Variants in GRIP1 observed in about 807,000 individuals in gnomAD.
GRIP1 encodes glutamate receptor interacting protein 1.
A neutral mutation model predicts 129.9 loss-of-function variants in GRIP1; 45 were observed. The observed-to-expected ratio is 0.35, with a 90% CI of 0.27 to 0.44. The LOEUF (loss-of-function observed/expected upper bound fraction) is 0.44, where lower values mean the gene tolerates loss of function less well. Ranked by LOEUF, GRIP1 falls within the 20% of genes least tolerant of loss-of-function variation. The probability of loss-of-function intolerance (pLI) is 1.00; values close to 1 mark genes in which losing one functional copy is unlikely to be tolerated. For synonymous variants in GRIP1, 530 were observed against 520.8 expected, an observed-to-expected ratio of 1.02 and a Z score of -0.24; for missense variants, 1,196 against 1,396.8, an observed-to-expected ratio of 0.86 and a Z score of 2.29.
At chr12:66,876,099 A>G (rs756381543) in intron 1 of GRIP1, among the ~76,000 whole-genome samples, 1 of 152,090 alleles carries the variant, frequency 6.6e-6, no homozygotes, top group Non-Finnish European at 1.5e-5. Context: ...CAAGAAAAGT[A>G]TGAGCACTTA....
At chr12:66,497,133 A>C (rs146018772) in intron 7 of GRIP1, among the ~76,000 whole-genome samples, 8 of 152,238 alleles carry the variant, frequency 5.3e-5, no homozygotes, top group African/African-American at 1.9e-4. Flanking sequence ...TAGTGGCAAA[A>C]ATGCATACAT....
intron 8 of GRIP1, 86 bp downstream of exon 8, chr12:66,465,189 A>C (rs943897662): frequency 8.9e-7 from 1 of 1,125,366 alleles, no homozygotes; most frequent in Non-Finnish European, 1.3e-6. Flanking sequence ...CAGGTGATTC[A>C]CCCGCCTCGG....
chr12:66,903,171 A>G (rs2040870749), intron 1 of GRIP1, among the ~76,000 whole-genome samples: 1 of 152,220 alleles, frequency 6.6e-6, no homozygotes, highest in Non-Finnish European at 1.5e-5. Context: ...GTAAATCAAC[A>G]TGCAAAAAAG....
intron 7 of GRIP1, among the ~76,000 whole-genome samples, chr12:66,500,124 AT>A (rs1389459774): frequency 1.3e-5 from 2 of 152,194 alleles, no homozygotes; most frequent in Admixed American, 6.5e-5. Flanking sequence ...AGATTTCAAA[AT>A]TTTCTATATG....
chr12:66,953,542 G>T (rs1282179611), intron 1 of GRIP1, among the ~76,000 whole-genome samples: 1 of 152,136 alleles, frequency 6.6e-6, no homozygotes, highest in East Asian at 1.9e-4. Flanking sequence ...GCTCACAACG[G>T]TTATCCTTGA....
At chr12:66,914,828 A>T (rs2041092862) in intron 1 of GRIP1, among the ~76,000 whole-genome samples, 1 of 152,220 alleles carries the variant, frequency 6.6e-6, no homozygotes. Flanking sequence ...AGGGAGCTGA[A>T]TTAAATCAGA....
intron 1 of GRIP1, among the ~76,000 whole-genome samples, chr12:66,970,412 C>T (rs181911714): frequency 6.6e-6 from 1 of 152,242 alleles, no homozygotes; most frequent in African/African-American, 2.4e-5. Flanking sequence ...GAAAGCTAGA[C>T]ATGATGTATC....
intron 1 of GRIP1, among the ~76,000 whole-genome samples, chr12:66,944,903 G>C (rs1320391108): frequency 6.6e-6 from 1 of 152,002 alleles, no homozygotes; most frequent in Non-Finnish European, 1.5e-5. Flanking sequence ...GGCAATTCTC[G>C]TGCCTCAGCC....
intron 1 of GRIP1, among the ~76,000 whole-genome samples, chr12:66,643,354 TA>T (rs1438335724): frequency 6.6e-6 from 1 of 152,188 alleles, no homozygotes; most frequent in Non-Finnish European, 1.5e-5. Context: ...TAGTGACAAC[TA>T]AAATGTCTTG....
intron 14 of GRIP1, among the ~76,000 whole-genome samples, chr12:66,422,324 C>T (rs1404896693): frequency 6.6e-6 from 1 of 152,170 alleles, no homozygotes; most frequent in Non-Finnish European, 1.5e-5. Context: ...GCAAAACATT[C>T]TCTTCACTAC....
At chr12:66,395,685 C>G (rs1428476844) in intron 16 of GRIP1, among the ~76,000 whole-genome samples, 1 of 152,152 alleles carries the variant, frequency 6.6e-6, no homozygotes, top group African/African-American at 2.4e-5. Flanking sequence ...GTATTTACTC[C>G]ACACATTCAG....
intron 1 of GRIP1, among the ~76,000 whole-genome samples, chr12:66,852,540 GTATATA>G (rs201877464): frequency 0.16 from 23,365 of 149,730 alleles, 1,987 homozygotes; most frequent in East Asian, 0.37. Context: ...ATGTATATAT[GTATATA>G]TGTATATGTA....
intron 23 of GRIP1, among the ~76,000 whole-genome samples, chr12:66,369,848 A>G (rs1313452301): frequency 1.3e-5 from 2 of 152,210 alleles, no homozygotes; most frequent in African/African-American, 4.8e-5. Context: ...CTAATGGTGT[A>G]TGTCAATTAG....
At chr12:67,052,616 C>A (rs568354643) in intron 1 of GRIP1, among the ~76,000 whole-genome samples, 1 of 151,932 alleles carries the variant, frequency 6.6e-6, no homozygotes, top group African/African-American at 2.4e-5. Flanking sequence ...AAAAATTAGC[C>A]GGGTGTGGTG....
chr12:66,968,424 C>G (rs2042027297), intron 1 of GRIP1, among the ~76,000 whole-genome samples: 1 of 151,968 alleles, frequency 6.6e-6, no homozygotes, highest in African/African-American at 2.4e-5. Context: ...ATTTTGCCTT[C>G]TCTTGCTTTA....
intron 1 of GRIP1, among the ~76,000 whole-genome samples, chr12:66,933,077 C>T (rs1308026193): frequency 6.6e-6 from 1 of 152,158 alleles, no homozygotes. Context: ...ATCTTTCAGC[C>T]TTTAGCCTAA....
chr12:66,409,044 G>T (rs992719998), intron 15 of GRIP1, among the ~76,000 whole-genome samples: 2 of 152,006 alleles, frequency 1.3e-5, no homozygotes, highest in African/African-American at 4.8e-5. Context: ...TTGACTCTAG[G>T]ACCAGGCTCC....
chr12:67,064,262 T>C (rs2043584528), intron 1 of GRIP1, among the ~76,000 whole-genome samples: 2 of 152,244 alleles, frequency 1.3e-5, no homozygotes, highest in South Asian at 2.1e-4. Flanking sequence ...TAATGAAAGA[T>C]TTGATGGCAG....
chr12:66,455,788 AAG>A (rs2058941869), intron 10 of GRIP1, among the ~76,000 whole-genome samples: 1 of 152,212 alleles, frequency 6.6e-6, no homozygotes, highest in Non-Finnish European at 1.5e-5. Flanking sequence ...TAGGAACACA[AAG>A]AGACTCTGTG....
Sources: gnomAD v4.1 joint callset for allele counts (sites outside exome capture counted in the v4.1 genomes callset) on GRCh38, gnomAD v4.1.1 for gene constraint, MANE v1.5 for transcripts, NCBI Gene and HGNC (gene_info 2026-07-23, HGNC 2026-07-21) for gene names.